The following CYTH3 variants were observed in gnomAD, a reference collection of about 807,000 sequenced individuals.
CYTH3 encodes the protein cytohesin-3.
CYTH3 carries 23 observed loss-of-function variants against 55.1 expected under a neutral mutation model. The ratio of observed to expected loss-of-function variants is 0.42; its 90% CI spans 0.30 to 0.59. CYTH3 has a LOEUF of 0.59. Ranked by LOEUF, CYTH3 falls within the 20% of genes least tolerant of loss-of-function variation. The pLI, the probability that CYTH3 is intolerant of heterozygous loss-of-function variation, is 0.20. For synonymous variants in CYTH3, 249 were observed against 194.9 expected, an observed-to-expected ratio of 1.28 and a Z score of -2.31; for missense variants, 413 against 524.8, an observed-to-expected ratio of 0.79 and a Z score of 2.08.
chr7:6,168,879 C>T (rs1050840129), intron 9 of CYTH3, among the ~76,000 whole-genome samples: 2 of 152,210 alleles, frequency 1.3e-5, no homozygotes, highest in African/African-American at 4.8e-5. Flanking sequence ...GTGGGCAACG[C>T]AGGAACCAGA....
intron 1 of CYTH3, among the ~76,000 whole-genome samples, chr7:6,242,439 CGAT>C (rs995811745): frequency 6.8e-6 from 1 of 147,230 alleles, no homozygotes; most frequent in African/African-American, 2.5e-5. Context: ...TGCAGTGGCA[CGAT>C]CTTGGCTCAC....
chr7:6,207,491 G>A (rs1479401769), intron 1 of CYTH3, among the ~76,000 whole-genome samples: 1 of 152,132 alleles, frequency 6.6e-6, no homozygotes, highest in Non-Finnish European at 1.5e-5. Context: ...TGAGTCAGGT[G>A]GAGTGGCACA....
At chr7:6,262,900 C>A (rs1379600928) in intron 1 of CYTH3, among the ~76,000 whole-genome samples, 1 of 151,706 alleles carries the variant, frequency 6.6e-6, no homozygotes, top group Non-Finnish European at 1.5e-5. Flanking sequence ...GCCTGGGCAA[C>A]AGAGCGCGAC....
rs1782878063 is a variant in CYTH3 at position 6,162,876 on chromosome 7, C to CA, written c.*2067dup. The CA allele has an allele frequency of 6.5e-6, 1 of 152,706 alleles. No homozygotes were observed. The highest frequency in any genetic ancestry group is 1.5e-5 in the Non-Finnish European group (1 of 68,074). 9.5% of individuals were successfully genotyped at this position (152,706 alleles called of 1,614,324 possible). A position where few individuals can be genotyped will look rare whatever the true frequency, so the allele number is the denominator to read the frequency against. On this transcript the variant is annotated 3_prime_UTR_variant, in exon 13 of 13. Coordinates refer to ENST00000350796, the MANE Select transcript of CYTH3 (RefSeq NM_004227.4). Reference sequence around the variant, plus strand: ...AGCTTGTCCGAGCACAACATGCTGACAGAGCTGGCTGTGGCCAGTCTTGGG... The same window carrying CA: ...AGCTTGTCCGAGCACAACATGCTGACAAGAGCTGGCTGTGGCCAGTCTTGGG...
intron 1 of CYTH3, among the ~76,000 whole-genome samples, chr7:6,220,683 T>C (rs1313546811): frequency 1.3e-5 from 2 of 151,792 alleles, no homozygotes. Context: ...GGAAAACAAT[T>C]TGGCATTTTC....
chr7:6,176,183 T>A (rs1783344652), intron 5 of CYTH3, among the ~76,000 whole-genome samples: 1 of 152,030 alleles, frequency 6.6e-6, no homozygotes, highest in African/African-American at 2.4e-5. Context: ...CTTTTAATGC[T>A]ATTATAAATG....
At chr7:6,270,523 A>C (rs1455091608) in intron 1 of CYTH3, among the ~76,000 whole-genome samples, 1 of 152,228 alleles carries the variant, frequency 6.6e-6, no homozygotes, top group East Asian at 1.9e-4. Flanking sequence ...AAAATATAAA[A>C]AGAAAATAAA....
At position 6,179,921 on chromosome 7, in the gene CYTH3, C is replaced by CCACA. The variant is rs746252535; in HGVS notation, c.250-1984_250-1981dup. On this transcript the variant is annotated intron_variant, in intron 4 of 12. Transcript: ENST00000350796. ...CCACACACAACCACACACACACAAA[C>CCACA]CACACACACACACACACACACACAG... Among the ~76,000 whole-genome samples the CCACA allele has an allele frequency of 2.0e-3, 277 of 141,844 alleles. 1 individual carries two copies. The highest frequency in any genetic ancestry group is 7.1e-3 in the Middle Eastern group (2 of 282). 93.1% of individuals were successfully genotyped at this position (141,844 alleles called of 152,430 possible). A position where few individuals can be genotyped will look rare whatever the true frequency, so the allele number is the denominator to read the frequency against.
intron 1 of CYTH3, among the ~76,000 whole-genome samples, chr7:6,220,306 C>T (rs113774256): frequency 2.0e-5 from 3 of 152,070 alleles, no homozygotes; most frequent in African/African-American, 7.2e-5. Context: ...AAGAATGAAA[C>T]TTGACCTAAA....
intron 1 of CYTH3, among the ~76,000 whole-genome samples, chr7:6,231,653 C>T (rs1412312236): frequency 6.6e-6 from 1 of 152,208 alleles, no homozygotes; most frequent in Admixed American, 6.5e-5. Context: ...GAGTCTTTGG[C>T]CATATAGTTT....
At chr7:6,256,281 A>G (rs964782084) in intron 1 of CYTH3, among the ~76,000 whole-genome samples, 1 of 152,194 alleles carries the variant, frequency 6.6e-6, no homozygotes, top group Admixed American at 6.5e-5. Flanking sequence ...GTCACTGGCC[A>G]CTGGTTCAGG....
At chr7:6,224,521 G>C (rs1280997751) in intron 1 of CYTH3, among the ~76,000 whole-genome samples, 2 of 152,126 alleles carry the variant, frequency 1.3e-5, no homozygotes, top group Non-Finnish European at 2.9e-5. Flanking sequence ...CCTAGCATAA[G>C]AGCTAAAACT....
At chr7:6,184,049 CTTTTTTTT>C (rs60634853) in intron 4 of CYTH3, among the ~76,000 whole-genome samples, 12 of 46,376 alleles carry the variant, frequency 2.6e-4, no homozygotes, top group Admixed American at 1.1e-3. Flanking sequence ...CCCTCTGTGG[CTTTTTTTT>C]TTTTTTTTTT....
chr7:6,262,669 T>G (rs956702508), intron 1 of CYTH3, among the ~76,000 whole-genome samples: 4 of 152,170 alleles, frequency 2.6e-5, no homozygotes, highest in Non-Finnish European at 5.9e-5. Context: ...CTGAGCAACA[T>G]AGTGAGACCT....
chr7:6,208,335 A>G (rs1165880583), intron 1 of CYTH3, among the ~76,000 whole-genome samples: 3 of 152,208 alleles, frequency 2.0e-5, no homozygotes, highest in Non-Finnish European at 2.9e-5. Flanking sequence ...CATCCTCTTG[A>G]CAACAAACAT....
chr7:6,190,737 C>G (rs919986176), intron 1 of CYTH3, among the ~76,000 whole-genome samples: 2 of 152,014 alleles, frequency 1.3e-5, no homozygotes, highest in South Asian at 2.1e-4. Context: ...AGTAAGAACA[C>G]GAATAAATTG....
chr7:6,182,934 T>C (rs1313202899), intron 4 of CYTH3, among the ~76,000 whole-genome samples: 2 of 152,200 alleles, frequency 1.3e-5, no homozygotes, highest in African/African-American at 4.8e-5. Context: ...TGTCTTTGTA[T>C]TTTAGGGTCA....
chr7:6,238,599 C>T (rs545915049), intron 1 of CYTH3, among the ~76,000 whole-genome samples: 1 of 152,256 alleles, frequency 6.6e-6, no homozygotes, highest in East Asian at 1.9e-4. Context: ...CTGGATGATA[C>T]TATAACGGTG....
chr7:6,171,118 G>C lies in CYTH3; in HGVS notation c.562+84C>G. 1 of 1,580,676 alleles carries C rather than the reference G, an allele frequency of 6.3e-7. No individual in the cohort carries two copies. Among genetic ancestry groups the C allele is most frequent in the South Asian group, 1.1e-5 (1 of 89,842 alleles). On this transcript the variant is annotated intron_variant, in intron 7 of 12. Coordinates refer to ENST00000350796, the MANE Select transcript of CYTH3 (RefSeq NM_004227.4). The surrounding 1 kb of genome is among the most constrained non-coding windows in gnomAD (Gnocchi z 6.7). ...GGAAGGCAGGTCCCCAGGAACACAC[G>C]CTGGGCTGTGCCCACAGGGGCCGCC...
Sources: allele counts gnomAD v4.1 joint callset (sites outside exome capture counted in the v4.1 genomes callset), GRCh38; gene constraint gnomAD v4.1.1; non-coding constraint Gnocchi (gnomAD v3.1); transcripts MANE v1.5; gene names NCBI Gene and HGNC (gene_info 2026-07-23, HGNC 2026-07-21).